The following PCSK7 variants were observed in gnomAD, a reference collection of about 807,000 sequenced individuals.
The protein encoded by PCSK7 is proprotein convertase subtilisin/kexin type 7.
A neutral mutation model predicts 73.3 loss-of-function variants in PCSK7; 38 were observed. The ratio of observed to expected loss-of-function variants is 0.52; its 90% CI spans 0.40 to 0.68. The LOEUF (loss-of-function observed/expected upper bound fraction) is 0.68, where lower values mean the gene tolerates loss of function less well. PCSK7 is among the 30% of genes least tolerant of loss of function. The pLI, the probability that PCSK7 is intolerant of heterozygous loss-of-function variation, is 0.00. For missense variants in PCSK7, 692 were observed against 991.5 expected, an observed-to-expected ratio of 0.70 and a Z score of 4.06; for synonymous variants, 296 against 383.8, an observed-to-expected ratio of 0.77 and a Z score of 2.68.
rs2134323814 is a variant in PCSK7, at chr11:117,224,692, G to A, written c.915+9C>T. ...CCCGTTTCTCAGAGTCTTTGTGCAG[G>A]CCAGTTACCTTTCCAAGCTGATGGG... On this transcript the variant is annotated intron_variant, in intron 7 of 16. Coordinates refer to ENST00000320934, the MANE Select transcript of PCSK7 (RefSeq NM_004716.4). 1 of 1,608,712 alleles carries A rather than the reference G, an allele frequency of 6.2e-7. No individual in the cohort carries two copies.
At chr11:117,229,335 A>G in intron 3 of PCSK7, 42 bp downstream of exon 3, 2 of 1,471,336 alleles carry the variant, frequency 1.4e-6, no homozygotes, top group Non-Finnish European at 1.9e-6. Context: ...ACTGGACTGG[A>G]ACCTACCCAC....
At chr11:117,228,396 C>G in intron 3 of PCSK7, 46 bp from the exon 4 acceptor site, 1 of 1,586,824 alleles carries the variant, frequency 6.3e-7, no homozygotes, top group Non-Finnish European at 8.7e-7. Context: ...TAGCACAGCC[C>G]AGAGGGAGAT....
chr11:117,221,114 CTT>C (rs2032174511), intron 9 of PCSK7: 1 of 152,284 alleles, frequency 6.6e-6, no homozygotes, highest in Non-Finnish European at 1.5e-5. Context: ...CGGAGAATTT[CTT>C]TCTTCCAAAC....
chr11:117,210,385 A>T (rs1387282194), intron 12 of PCSK7: 2 of 144,676 alleles, frequency 1.4e-5, no homozygotes, highest in African/African-American at 2.6e-5. Context: ...TTTGAGACAG[A>T]GTCTCTCTCT....
Position 117,229,574 on chromosome 11 carries a change from C to G in PCSK7, c.271G>C (p.Glu91Gln), listed in dbSNP as rs760166009. 6.8e-6 allele frequency: 11 copies of G among 1,613,932 alleles called. No individual in the cohort carries two copies. Among genetic ancestry groups the G allele is most frequent in the Non-Finnish European group, 9.3e-6 (11 of 1,180,056 alleles). The change falls in exon 3 of 17, where the codon GAG becomes CAG. Residue 91 changes from glutamate to glutamine, a missense_variant. Glu to Gln is a conservative substitution (Grantham distance 29). This residue lies in a region of PCSK7 where 574 missense variants were observed against 689.8 expected (regional missense o/e 0.83). Coordinates refer to ENST00000320934, the MANE Select transcript of PCSK7 (RefSeq NM_004716.4). ...ACAAAGAGGTAGTGCCCCTGAAGCT[C>G]TCCGATGCGTCCAGCATTCACCAGC... is the stretch of plus-strand genomic sequence containing the variant. ...AGLVNAGRIGELQGHYLFVQP... is the reference protein window; with the variant it reads ...AGLVNAGRIGQLQGHYLFVQP...
chr11:117,218,774 C>T lies in PCSK7; in HGVS notation c.1432-206G>A, dbSNP rs1282566047. 1 of 566,444 alleles carries T rather than the reference C, an allele frequency of 1.8e-6. No individual in the cohort carries two copies. Among genetic ancestry groups the T allele is most frequent in the Non-Finnish European group, 3.1e-6 (1 of 317,868 alleles). The allele number at this position is 566,444 out of a possible 1,614,324, so 35.1% of individuals were successfully genotyped here. The stretch of plus-strand genomic sequence containing the variant: ...CCCCCAGCTAAGGAACCAGAGGAAA[C>T]AGCTGTGTCCAGGGTGGAGGAGGGG... On this transcript the variant is annotated intron_variant, in intron 11 of 16. Coordinates refer to ENST00000320934, the MANE Select transcript of PCSK7 (RefSeq NM_004716.4). The surrounding 1 kb of genome is among the most constrained non-coding windows in gnomAD (Gnocchi z 4.0).
chr11:117,222,453 G>C (rs1267303080), intron 9 of PCSK7: 1 of 152,154 alleles, frequency 6.6e-6, no homozygotes, highest in African/African-American at 2.4e-5. Flanking sequence ...AACCAGACTA[G>C]CTTTCCTCCT....
rs2031242417 is a variant in PCSK7, at chr11:117,204,339, C to T, written c.*1658G>A. On this transcript the variant is annotated 3_prime_UTR_variant, in exon 17 of 17. Coordinates refer to ENST00000320934, the MANE Select transcript of PCSK7 (RefSeq NM_004716.4). ...GGCCGGCATGACAGGCTACGGACGA[C>T]CTCGGCAGATCATCAGTTAGAGCGG... The T allele has an allele frequency of 1.2e-6, 2 of 1,614,122 alleles. No homozygotes were observed. The highest frequency in any genetic ancestry group is 8.5e-7 in the Non-Finnish European group (1 of 1,180,062).
chr11:117,223,085 TG>T, intron 9 of PCSK7, 122 bp downstream of exon 9: 1 of 712,452 alleles, frequency 1.4e-6, no homozygotes, highest in Non-Finnish European at 2.6e-6. Context: ...TCCAGCTCTG[TG>T]GGGGAAGAGG....
intron 3 of PCSK7, among the ~76,000 whole-genome samples, chr11:117,228,943 T>C (rs1014017905): frequency 2.6e-5 from 4 of 152,196 alleles, no homozygotes; most frequent in African/African-American, 7.2e-5. Flanking sequence ...CTTATGCCAA[T>C]GGTAGTATCG....
At chr11:117,217,158 A>G (rs1022212707) in intron 12 of PCSK7, 2 of 152,184 alleles carry the variant, frequency 1.3e-5, no homozygotes, top group Non-Finnish European at 2.9e-5. Flanking sequence ...TTTAGTGACA[A>G]GCAAGCAGTT....
chr11:117,226,269 G>A, intron 5 of PCSK7: 1 of 497,832 alleles, frequency 2.0e-6, no homozygotes, highest in South Asian at 2.3e-5. Flanking sequence ...CGAAGTAGCT[G>A]GGACTACAGG....
intron 12 of PCSK7, chr11:117,212,290 C>T (rs1431037802): frequency 6.6e-6 from 1 of 152,116 alleles, no homozygotes; most frequent in Non-Finnish European, 1.5e-5. Context: ...AGACATTATG[C>T]ATTGACTTTC....
At chr11:117,226,206 G>A (rs1434792274) in intron 5 of PCSK7, 185 bp from the exon 6 acceptor site, 8 of 586,828 alleles carry the variant, frequency 1.4e-5, no homozygotes, top group Middle Eastern at 4.5e-4. Flanking sequence ...GCATGATCTC[G>A]GCTCACTGCA....
chr11:117,229,641 C>A lies in PCSK7; in HGVS notation c.204G>T (p.Glu68Asp), dbSNP rs777421440. ...LESLEGDGEE[E>D]TLEQQADALA... ...AGGCATCCGCCTGCTGCTCCAGAGTCTCTTCCTCCCCGTCACCTTCCAGGC... is the reference window on the plus strand; with the variant it reads ...AGGCATCCGCCTGCTGCTCCAGAGTATCTTCCTCCCCGTCACCTTCCAGGC... The change falls in exon 3 of 17, where the codon GAG (glutamate) becomes GAT (aspartate). Residue 68 changes from glutamate (E) to aspartate (D), a missense_variant. Glu to Asp is a conservative substitution (Grantham distance 45, BLOSUM62 2). Around this residue, in one of 6 missense-constraint regions of PCSK7, gnomAD observed 574 missense variants for 689.8 expected, o/e 0.83. Coordinates refer to ENST00000320934, the MANE Select transcript of PCSK7 (RefSeq NM_004716.4). 6.2e-7 allele frequency: 1 copy of A among 1,613,872 alleles called. No homozygotes were observed. Among genetic ancestry groups the A allele is most frequent in the African/African-American group, 1.3e-5 (1 of 74,960 alleles).
At chr11:117,230,072 C>T in intron 2 of PCSK7, 1 of 482,712 alleles carries the variant, frequency 2.1e-6, no homozygotes, top group Non-Finnish European at 3.7e-6. Context: ...CTAACACCAG[C>T]GGATGGCCTC....
At position 117,223,837 on chromosome 11, in the gene PCSK7, A is replaced by G. The variant is rs2032303290; in HGVS notation, c.1054+241T>C. The G allele has an allele frequency of 2.8e-5, 15 of 528,772 alleles. 1 individual carries two copies. The South Asian group carries it at 3.3e-4, about 12-fold the overall frequency. The allele number at this position is 528,772 out of a possible 1,614,324, so 32.8% of individuals were successfully genotyped here. A position where few individuals can be genotyped will look rare whatever the true frequency, so the allele number is the denominator to read the frequency against. Reference sequence around the variant, plus strand: ...AAAGACAGGCCAGAGCAGAGGCCTAACCAGCTGTGGTGGGGTGGAGGCAGC... The same window carrying G: ...AAAGACAGGCCAGAGCAGAGGCCTAGCCAGCTGTGGTGGGGTGGAGGCAGC... On this transcript the variant is annotated intron_variant, in intron 8 of 16. Coordinates refer to ENST00000320934, the MANE Select transcript of PCSK7 (RefSeq NM_004716.4).
chr11:117,230,019 C>T, intron 2 of PCSK7, 163 bp from the exon 3 acceptor site: 1 of 578,296 alleles, frequency 1.7e-6, no homozygotes, highest in South Asian at 2.3e-5. Context: ...ACATTTATCC[C>T]TGACCAACAG....
At position 117,229,432 on chromosome 11, in the gene PCSK7, C is replaced by G; in HGVS notation, c.413G>C (p.Arg138Pro). The change falls in exon 3 of 17, where the codon CGG becomes CCG. Residue 138 changes from arginine (R) to proline (P), a missense_variant. By Grantham distance (103) the Arg-to-Pro change is moderately radical. This residue lies in a region of PCSK7 where 574 missense variants were observed against 689.8 expected (regional missense o/e 0.83). Transcript: ENST00000320934. ...GTTGAAGTGGACGCTGCGCTTGGCC[C>G]GCCTTAGCAGCCTCTGCTCTGAGTG... is the stretch of plus-strand genomic sequence containing the variant. Reference protein sequence around the residue: ...RWHSEQRLLRRAKRSVHFNDP... With the variant: ...RWHSEQRLLRPAKRSVHFNDP... The G allele has an allele frequency of 6.2e-7, 1 of 1,610,108 alleles. No homozygotes were observed. The highest frequency in any genetic ancestry group is 8.5e-7 in the Non-Finnish European group (1 of 1,180,022).
Sources: allele counts gnomAD v4.1 joint callset (sites outside exome capture counted in the v4.1 genomes callset), GRCh38; gene constraint gnomAD v4.1.1; regional missense constraint gnomAD v4.1.1; non-coding constraint Gnocchi (gnomAD v3.1); transcripts MANE v1.5; gene names NCBI Gene and HGNC (gene_info 2026-07-23, HGNC 2026-07-21).